Variants in USP42 observed in about 807,000 individuals in gnomAD.
The protein encoded by USP42 is ubiquitin carboxyl-terminal hydrolase 42.
Under a neutral mutation model 113.0 loss-of-function variants are expected in USP42, and 23 were observed. The ratio of observed to expected loss-of-function variants is 0.20; its 90% CI spans 0.15 to 0.29. The LOEUF (loss-of-function observed/expected upper bound fraction) is 0.29. Among genes scored for constraint, USP42 ranks in the 10% least tolerant of loss-of-function variants. The probability of loss-of-function intolerance (pLI) is 1.00; values close to 1 mark genes in which losing one functional copy is unlikely to be tolerated. For missense variants in USP42, 2,174 were observed against 1,779.8 expected (o/e 1.22, Z -3.99); for synonymous variants, 933 against 699.0 (o/e 1.33, Z -5.28).
At chr7:6,133,094 G>A (rs767954743) in intron 3 of USP42, among the ~76,000 whole-genome samples, 25 of 152,298 alleles carry the variant, frequency 1.6e-4, no homozygotes, top group Non-Finnish European at 2.6e-4. Flanking sequence ...ATCTGTACAT[G>A]TATTATTTCT....
intron 14 of USP42, chr7:6,152,958 C>G (rs1293072474): frequency 3.0e-6 from 3 of 985,188 alleles, no homozygotes; most frequent in Non-Finnish European, 3.6e-6. Flanking sequence ...TTTCTTTAGT[C>G]TTAGTTATTA....
the USP42 span, among the ~76,000 whole-genome samples, chr7:6,090,266 C>A: frequency 2.2e-5 from 3 of 139,374 alleles, no homozygotes; most frequent in Admixed American, 7.3e-5. Context: ...CGCCATTGCA[C>A]ACCAGCCTGG....
At chr7:6,093,148 TCTCCCTCC>T in the USP42 span, 7 of 143,694 alleles carry the variant, frequency 4.9e-5, no homozygotes, top group Non-Finnish European at 1.0e-4. Flanking sequence ...TCCCTCCCTC[TCTCCCTCC>T]CTCCCTTCCC....
Position 6,159,373 on chromosome 7 carries a change from T to C in USP42, c.3944-77T>C. On this transcript the variant is annotated intron_variant, in intron 16 of 17. Transcript: ENST00000306177. The surrounding 1 kb of genome is among the most constrained non-coding windows in gnomAD (Gnocchi z 4.1). ...CGCAGTGACTCTGACCATAGCCACT[T>C]AACGCACACACACAGCAGAGGCCCT... 1.2e-6 allele frequency: 2 copies of C among 1,600,036 alleles called. No homozygotes were observed.
At position 6,115,402 on chromosome 7, in the gene USP42, T is replaced by C. The variant is rs1338604290; in HGVS notation, c.321T>C (p.His107=). 1 of 1,613,968 alleles carries C rather than the reference T, an allele frequency of 6.2e-7. No homozygotes were observed. Among genetic ancestry groups the C allele is most frequent in the Non-Finnish European group, 8.5e-7 (1 of 1,179,916 alleles). The change falls in exon 3 of 18, where the codon CAT becomes CAC. Residue 107 remains histidine (H), a synonymous_variant. Transcript: ENST00000306177. The part of the protein sequence containing the change: ...EKICLKWQQT[H]RVGAGLQNLG... ...TTTGTCTTAAGTGGCAACAAACTCA[T>C]AGAGTTGGAGCTGGGCTCCAGAATT...
In USP42 at chr7:6,157,752, G is replaced by C. The variant is rs1274379703; in HGVS notation, c.3943+697G>C. Among the ~76,000 whole-genome samples, 5 of 152,230 alleles carry C rather than the reference G, an allele frequency of 3.3e-5. No individual in the cohort carries two copies. The highest frequency in any genetic ancestry group is 1.2e-4 in the African/African-American group (5 of 41,476). ...ACTGATTTGCTCGCTTGGTTCCTTA[G>C]AAGCGTGGGCACCAGCCTCTGCTTG... On this transcript the variant is annotated intron_variant, in intron 16 of 17. Transcript: ENST00000306177. This position sits in a 1 kb window ranked among gnomAD's most constrained non-coding sequence, Gnocchi z 4.1.
At position 6,155,088 on chromosome 7, in the gene USP42, C is replaced by T; in HGVS notation, c.3534C>T (p.Ala1178=). ...ENSDSHVEKK[A]RRSEQKDPLE... Reference sequence around the variant, plus strand: ...GTGACAGTCATGTTGAAAAGAAAGCCCGGAGGAGCGAACAGAAGGATCCTC... The same window carrying T: ...GTGACAGTCATGTTGAAAAGAAAGCTCGGAGGAGCGAACAGAAGGATCCTC... Residue 1178 remains alanine (A), a synonymous_variant, in exon 15 of 18, where the codon GCC becomes GCT. Coordinates refer to ENST00000306177, the MANE Select transcript of USP42 (RefSeq NM_032172.3). 1 of 1,561,342 alleles carries T rather than the reference C, an allele frequency of 6.4e-7. No individual in the cohort carries two copies. Among genetic ancestry groups the T allele is most frequent in the Non-Finnish European group, 8.7e-7 (1 of 1,152,846 alleles).
intron 3 of USP42, among the ~76,000 whole-genome samples, chr7:6,123,943 T>A (rs1414269786): frequency 6.6e-6 from 1 of 152,010 alleles, no homozygotes; most frequent in Admixed American, 6.6e-5. Context: ...TGGCATGATC[T>A]TGGCTCACTG....
the USP42 span, among the ~76,000 whole-genome samples, chr7:6,091,680 TACACACAC>T: frequency 1.0e-4 from 14 of 136,144 alleles, 1 homozygote; most frequent in South Asian, 2.4e-4. Flanking sequence ...TATGTTAGCA[TACACACAC>T]ACACACACAC....
intron 2 of USP42, among the ~76,000 whole-genome samples, chr7:6,113,661 G>A (rs914631244): frequency 1.3e-4 from 20 of 150,900 alleles, no homozygotes; most frequent in Non-Finnish European, 8.8e-5. Context: ...TCTCTCTGTC[G>A]CCCAGGCTGG....
chr7:6,081,662 T>TGGTGGGCTAGTCTTCGGAC, the USP42 span: 2 of 152,370 alleles, frequency 1.3e-5, no homozygotes, highest in African/African-American at 2.4e-5. Context: ...GCATGCTCTC[T>TGGTGGGCTAGTCTTCGGAC]GGTGGGCTAG....
intron 3 of USP42, among the ~76,000 whole-genome samples, chr7:6,124,206 A>G (rs958738454): frequency 6.6e-6 from 1 of 151,946 alleles, no homozygotes; most frequent in Non-Finnish European, 1.5e-5. Flanking sequence ...TCATGTTAGC[A>G]TGATATATTT....
intron 3 of USP42, among the ~76,000 whole-genome samples, chr7:6,123,299 G>A (rs1780338616): frequency 6.6e-6 from 1 of 152,176 alleles, no homozygotes; most frequent in African/African-American, 2.4e-5. Context: ...TGAGGCAGGA[G>A]GATGGGTTAA....
At chr7:6,151,785 C>A (rs968375686) in intron 14 of USP42, among the ~76,000 whole-genome samples, 2 of 150,474 alleles carry the variant, frequency 1.3e-5, no homozygotes, top group Non-Finnish European at 3.0e-5. Flanking sequence ...ATGTACTAAT[C>A]GTATGTGCTA....
chr7:6,092,057 C>CTTCTTCTTCTTCTTCTTCTTCTTCTTCT, the USP42 span, among the ~76,000 whole-genome samples: 37 of 56,604 alleles, frequency 6.5e-4, 1 homozygote, highest in African/African-American at 2.7e-3. Flanking sequence ...CTTCTTCTTT[C>CTTCTTCTTCTTCTTCTTCTTCTTCTTCT]TTCTTCTTCT....
rs1011417749 is a variant in USP42, at chr7:6,145,635, C to A, written c.1110C>A (p.Gly370=). Residue 370 remains glycine, a synonymous_variant, in exon 10 of 18, where the codon GGC becomes GGA. Transcript: ENST00000306177. ...LVHTGFNCHA[G]HYFCYIKASN... is the part of the protein sequence containing the mutation. The stretch of plus-strand genomic sequence containing the variant: ...ACACTGGTTTTAATTGCCATGCTGG[C>A]CATTACTTCTGCTACATAAAAGTAA... 6.2e-7 allele frequency: 1 copy of A among 1,613,714 alleles called. No individual in the cohort carries two copies. The highest frequency in any genetic ancestry group is 1.3e-5 in the African/African-American group (1 of 74,894).
At chr7:6,093,856 C>T in the USP42 span, among the ~76,000 whole-genome samples, 1 of 150,892 alleles carries the variant, frequency 6.6e-6, no homozygotes, top group Non-Finnish European at 1.5e-5. Context: ...TTCATGTTTG[C>T]TCTCAGGGTT....
intron 2 of USP42, among the ~76,000 whole-genome samples, chr7:6,112,724 T>G (rs1779663698): frequency 6.6e-6 from 1 of 151,998 alleles, no homozygotes; most frequent in Non-Finnish European, 1.5e-5. Context: ...ACATTGAGTT[T>G]TTTTGAGATT....
Position 6,122,398 on chromosome 7 carries a change from A to C in USP42, c.442+6875A>C, listed in dbSNP as rs1190668482. Reference sequence around the variant, plus strand: ...CCTTCTGGGTTCAAGTGATCTTCCCACCTCACCTTCCCAAGTAGCTGAGAC... The same window carrying C: ...CCTTCTGGGTTCAAGTGATCTTCCCCCCTCACCTTCCCAAGTAGCTGAGAC... On this transcript the variant is annotated intron_variant, in intron 3 of 17. Coordinates refer to ENST00000306177, the MANE Select transcript of USP42 (RefSeq NM_032172.3). 2.0e-5 allele frequency among the ~76,000 whole-genome samples: 3 copies of C among 148,946 alleles called. No individual in the cohort carries two copies. The Admixed American group carries it at 2.0e-4, about 10-fold the overall frequency.
Sources: allele counts gnomAD v4.1 joint callset (sites outside exome capture counted in the v4.1 genomes callset), GRCh38; gene constraint gnomAD v4.1.1; non-coding constraint Gnocchi (gnomAD v3.1); transcripts MANE v1.5; gene names NCBI Gene and HGNC (gene_info 2026-07-23, HGNC 2026-07-21).